Variants in RABEP1 observed in about 807,000 individuals in gnomAD.
The protein encoded by RABEP1 is rab GTPase-binding effector protein 1.
Under a neutral mutation model 123.4 loss-of-function variants are expected in RABEP1, and 51 were observed. The observed-to-expected ratio is 0.41, with a 90% CI of 0.33 to 0.52. The LOEUF is 0.52. RABEP1 is among the 20% of genes least tolerant of loss of function. RABEP1 has a pLI of 0.16. For synonymous variants in RABEP1, 347 were observed against 355.2 expected (o/e 0.98, Z 0.26); for missense variants, 888 against 996.3 (o/e 0.89, Z 1.46).
chr17:5,310,584 C>CT (rs1203853007), intron 2 of RABEP1, among the ~76,000 whole-genome samples: 4 of 152,012 alleles, frequency 2.6e-5, no homozygotes, highest in African/African-American at 9.7e-5. Flanking sequence ...TCCCAAAGTG[C>CT]TGGGTGAGCC....
At chr17:5,316,449 CA>C (rs386385498) in intron 2 of RABEP1, among the ~76,000 whole-genome samples, 826 of 28,378 alleles carry the variant, frequency 0.029, 4 homozygotes, top group East Asian at 0.1. Flanking sequence ...GACTCTGTCT[CA>C]AAAAAAAAAA....
intron 11 of RABEP1, among the ~76,000 whole-genome samples, chr17:5,367,423 C>G (rs1007113479): frequency 2.0e-5 from 3 of 150,760 alleles, no homozygotes; most frequent in African/African-American, 4.9e-5. Context: ...AGGCACCCGC[C>G]ACCACGCCCG....
chr17:5,322,015 A>G (rs1905414187), intron 2 of RABEP1, among the ~76,000 whole-genome samples: 1 of 152,236 alleles, frequency 6.6e-6, no homozygotes, highest in Non-Finnish European at 1.5e-5. Context: ...CCTGGCCAAC[A>G]TGGTGAAACC....
At chr17:5,297,556 T>C (rs1330358252) in intron 1 of RABEP1, among the ~76,000 whole-genome samples, 14 of 152,204 alleles carry the variant, frequency 9.2e-5, no homozygotes, top group Admixed American at 9.2e-4. Context: ...TAGCTGTATA[T>C]CAATAGGTTA....
intron 15 of RABEP1, among the ~76,000 whole-genome samples, chr17:5,380,119 C>G (rs1314427710): frequency 1.3e-5 from 2 of 152,226 alleles, no homozygotes; most frequent in Non-Finnish European, 2.9e-5. Context: ...TCATCCTTTA[C>G]ATGTCTGTTT....
At chr17:5,293,478 T>A (rs1481652356) in intron 1 of RABEP1, among the ~76,000 whole-genome samples, 2 of 152,194 alleles carry the variant, frequency 1.3e-5, no homozygotes, top group African/African-American at 4.8e-5. Flanking sequence ...TCACCCAGGC[T>A]GGAGTGCAGT....
intron 2 of RABEP1, among the ~76,000 whole-genome samples, chr17:5,318,295 GAATTA>G (rs2075318218): frequency 6.6e-6 from 1 of 152,076 alleles, no homozygotes; most frequent in Non-Finnish European, 1.5e-5. Context: ...GATAGTGTCA[GAATTA>G]AATTAGAGGA....
chr17:5,371,067 C>A (rs185800649), intron 12 of RABEP1, among the ~76,000 whole-genome samples: 1 of 151,818 alleles, frequency 6.6e-6, no homozygotes, highest in Non-Finnish European at 1.5e-5. Context: ...CCCGGGCTCA[C>A]GCCATTCTCC....
intron 11 of RABEP1, among the ~76,000 whole-genome samples, chr17:5,366,063 A>G (rs1265793316): frequency 6.6e-6 from 1 of 152,202 alleles, no homozygotes; most frequent in Non-Finnish European, 1.5e-5. Flanking sequence ...CAAAATGCCA[A>G]ATAATTTTCC....
chr17:5,297,424 G>GT (rs1433525323), intron 1 of RABEP1, among the ~76,000 whole-genome samples: 2 of 152,156 alleles, frequency 1.3e-5, no homozygotes, highest in Non-Finnish European at 2.9e-5. Flanking sequence ...GTATTACACC[G>GT]TTTACAACTT....
chr17:5,363,886 T>C (rs1383148823), intron 10 of RABEP1, among the ~76,000 whole-genome samples: 1 of 152,210 alleles, frequency 6.6e-6, no homozygotes, highest in Admixed American at 6.5e-5. Context: ...GGCACCTTGA[T>C]AGCAGTTAGG....
At chr17:5,311,978 A>C (rs1473362471) in intron 2 of RABEP1, among the ~76,000 whole-genome samples, 1 of 152,200 alleles carries the variant, frequency 6.6e-6, no homozygotes, top group Non-Finnish European at 1.5e-5. Flanking sequence ...TTTCTAAATT[A>C]TATGTTAAAT....
intron 2 of RABEP1, among the ~76,000 whole-genome samples, chr17:5,309,080 T>C (rs1257546532): frequency 6.6e-6 from 1 of 152,238 alleles, no homozygotes; most frequent in East Asian, 1.9e-4. Context: ...GAGAATGTTA[T>C]TGCTCTTAAC....
intron 1 of RABEP1, among the ~76,000 whole-genome samples, chr17:5,302,900 T>A (rs1334234343): frequency 6.6e-6 from 1 of 151,304 alleles, no homozygotes; most frequent in Non-Finnish European, 1.5e-5. Context: ...ATTTAAAAAA[T>A]GATTTTTTTT....
chr17:5,336,201 C>A (rs1322897713), intron 4 of RABEP1, among the ~76,000 whole-genome samples: 1 of 151,860 alleles, frequency 6.6e-6, no homozygotes, highest in Non-Finnish European at 1.5e-5. Flanking sequence ...ATTGATCATG[C>A]CTTTTTGGTT....
chr17:5,337,565 C>T (rs961611664), intron 4 of RABEP1, among the ~76,000 whole-genome samples: 4 of 151,570 alleles, frequency 2.6e-5, no homozygotes, highest in Non-Finnish European at 5.9e-5. Flanking sequence ...TGGTGGCAGG[C>T]GCCTGTAGTC....
chr17:5,338,272 C>CA (rs1907275035), intron 5 of RABEP1, 134 bp downstream of exon 5: 3 of 1,184,084 alleles, frequency 2.5e-6, no homozygotes, highest in Non-Finnish European at 3.4e-6. Flanking sequence ...CTTTAAAATG[C>CA]AAAAAACTGC....
rs1032166671 is a variant in RABEP1 at position 5,384,099 on chromosome 17, A to G, written c.*876A>G. ...ATAGGCTAATTTTTCAACTTGGATC[A>G]TTAGGCTTACGTACTACTTGTTTCA... On this transcript the variant is annotated 3_prime_UTR_variant, in exon 18 of 18. Coordinates refer to ENST00000537505, the MANE Select transcript of RABEP1 (RefSeq NM_004703.6). 2 of 214,630 alleles carry G rather than the reference A, an allele frequency of 9.3e-6. No homozygotes were observed. The highest frequency in any genetic ancestry group is 5.8e-5 in the Admixed American group (1 of 17,124). The allele number at this position is 214,630 out of a possible 1,614,324, so 13.3% of individuals were successfully genotyped here.
chr17:5,373,517 TCTTTATGTAAA>T, intron 13 of RABEP1, 63 bp downstream of exon 13: 1 of 1,493,116 alleles, frequency 6.7e-7, no homozygotes, highest in East Asian at 2.3e-5. Context: ...GGCCGTATGT[TCTTTATGTAAA>T]CAGTTTTATT....
Sources: gnomAD v4.1 joint callset for allele counts (sites outside exome capture counted in the v4.1 genomes callset) on GRCh38, gnomAD v4.1.1 for gene constraint, MANE v1.5 for transcripts, NCBI Gene and HGNC (gene_info 2026-07-23, HGNC 2026-07-21) for gene names.